The following UTP11 variants were observed in gnomAD, a reference collection of about 807,000 sequenced individuals.
UTP11 encodes the protein UTP11 small subunit processome component, also known as probable U3 small nucleolar RNA-associated protein 11.
A neutral mutation model predicts 39.0 loss-of-function variants in UTP11; 29 were observed. That is an observed-to-expected ratio of 0.74 (90% CI 0.55 to 1.01). The LOEUF (loss-of-function observed/expected upper bound fraction) is 1.01. Among genes scored for constraint, UTP11 ranks in the 50% least tolerant of loss-of-function variants. The pLI is 0.00. For missense variants in UTP11, 281 were observed against 306.0 expected (o/e 0.92, Z 0.61); for synonymous variants, 111 against 105.0 (o/e 1.06, Z -0.35).
In UTP11 at chr1:38,018,560, A is replaced by ACCCC; in HGVS notation, c.325_326insCCCC (p.Arg109ThrfsTer7). The ACCCC allele has an allele frequency of 1.2e-6, 2 of 1,610,060 alleles. No homozygotes were observed. Among genetic ancestry groups the ACCCC allele is most frequent in the Non-Finnish European group, 8.5e-7 (1 of 1,177,002 alleles). Reference sequence around the variant, plus strand: ...GGACGTCAAATATATAGAAATGAAGAGGGTTGCAGAAGCTAAGGTAATTCA... The same window carrying ACCCC: ...GGACGTCAAATATATAGAAATGAAGACCCCGGGTTGCAGAAGCTAAGGTAATTCA... On this transcript the variant is annotated frameshift_variant, in exon 4 of 8. Coordinates refer to ENST00000373014, the MANE Select transcript of UTP11 (RefSeq NM_016037.4). LOFTEE classifies it high-confidence loss of function.
intron 3 of UTP11, 83 bp downstream of exon 3, chr1:38,017,853 G>C (rs1022575080): frequency 7.9e-7 from 1 of 1,262,374 alleles, no homozygotes. Context: ...AGGAAGAATC[G>C]TTGGCCTTAA....
In UTP11 at chr1:38,018,549, T is replaced by C. The variant is rs762458787; in HGVS notation, c.314T>C (p.Ile105Thr). The change falls in exon 4 of 8, where the codon ATA becomes ACA. Residue 105 changes from isoleucine to threonine, a missense_variant. Physicochemically the swap from Ile to Thr is moderately conservative, Grantham distance 89. Coordinates refer to ENST00000373014, the MANE Select transcript of UTP11 (RefSeq NM_016037.4). ...KLMRTQDVKY[I>T]EMKRVAEAKK... is the part of the protein sequence containing the mutation. The stretch of plus-strand genomic sequence containing the variant: ...ATGAGAACTCAGGACGTCAAATATA[T>C]AGAAATGAAGAGGGTTGCAGAAGCT... 1 of 1,613,676 alleles carries C rather than the reference T, an allele frequency of 6.2e-7. No individual in the cohort carries two copies. The highest frequency in any genetic ancestry group is 8.5e-7 in the Non-Finnish European group (1 of 1,179,780).
At chr1:38,014,415 A>T (rs777122034) in intron 1 of UTP11, among the ~76,000 whole-genome samples, 1 of 152,162 alleles carries the variant, frequency 6.6e-6, no homozygotes, top group Non-Finnish European at 1.5e-5. Flanking sequence ...GCTACTGAAG[A>T]TATTTTGTAT....
At position 38,023,624 on chromosome 1, in the gene UTP11, G is replaced by T. The variant is rs571412815; in HGVS notation, c.758G>T (p.Arg253Leu). 2 of 1,608,972 alleles carry T rather than the reference G, an allele frequency of 1.2e-6. No homozygotes were observed. The highest frequency in any genetic ancestry group is 2.7e-5 in the African/African-American group (2 of 74,854). The change falls in exon 8 of 8, where the codon CGT (arginine) becomes CTT (leucine). Residue 253 changes from arginine to leucine, a missense_variant. By Grantham distance (102) the Arg-to-Leu change is moderately radical. Transcript: ENST00000373014. ...TATAAATTTCAGAGTCGTCGAAAAC[G>T]TTGACGTGTTATAGATAAGCCTTGT... ...AIYKFQSRRK[R>L]
chr1:38,017,087 T>C (rs1475772134), intron 2 of UTP11: 1 of 152,578 alleles, frequency 6.6e-6, no homozygotes, highest in Non-Finnish European at 1.5e-5. Flanking sequence ...TTCTAGGATA[T>C]TTACCGTTTT....
intron 4 of UTP11, 73 bp from the exon 5 acceptor site, chr1:38,018,986 T>G: frequency 7.7e-7 from 1 of 1,299,182 alleles, no homozygotes; most frequent in South Asian, 1.4e-5. Context: ...TGGTTTAAAC[T>G]TTTGCAGTTT....
chr1:38,013,642 G>C (rs1570497414), intron 1 of UTP11, among the ~76,000 whole-genome samples: 1 of 152,204 alleles, frequency 6.6e-6, no homozygotes, highest in East Asian at 1.9e-4. Context: ...AGGGGAAAGA[G>C]TTGTGCAGCT....
chr1:38,023,065 T>C (rs1229777838), intron 7 of UTP11, among the ~76,000 whole-genome samples: 2 of 152,200 alleles, frequency 1.3e-5, no homozygotes, highest in African/African-American at 2.4e-5. Flanking sequence ...ATATGAACTT[T>C]ATAGCTTATG....
rs1646714254 is a variant in UTP11, at chr1:38,017,716, T to C, written c.174T>C (p.Ala58=). ...QEYLKALRKK[A]LEKNPDEFYY... ...ACCTCAAAGCTCTTCGGAAGAAGGC[T>C]CTTGAAAAAAATCCAGATGAATTCT... Residue 58 remains alanine, a synonymous_variant, in exon 3 of 8, where the codon GCT becomes GCC. Transcript: ENST00000373014. 6.2e-7 allele frequency: 1 copy of C among 1,610,978 alleles called. No homozygotes were observed. Among genetic ancestry groups the C allele is most frequent in the Non-Finnish European group, 8.5e-7 (1 of 1,178,766 alleles).
rs1646707385 is a variant in UTP11, at chr1:38,016,410, C to A, written c.115C>A (p.Leu39Ile). 2 of 1,614,174 alleles carry A rather than the reference C, an allele frequency of 1.2e-6. No individual in the cohort carries two copies. Among genetic ancestry groups the A allele is most frequent in the South Asian group, 2.2e-5 (2 of 91,090 alleles). Reference protein sequence around the residue: ...GLLEKKKDYKLRADDYRKKQE... With the variant: ...GLLEKKKDYKIRADDYRKKQE... ...GCTGGAGAAAAAGAAAGATTACAAA[C>A]TTCGTGCAGAGTGAGTTCAGTCTTT... The change falls in exon 2 of 8, where the codon CTT (leucine) becomes ATT (isoleucine). Residue 39 changes from leucine (L) to isoleucine (I), a missense_variant. Coordinates refer to ENST00000373014, the MANE Select transcript of UTP11 (RefSeq NM_016037.4).
chr1:38,020,397 C>G (rs567539823), intron 6 of UTP11, among the ~76,000 whole-genome samples: 2 of 152,318 alleles, frequency 1.3e-5, no homozygotes, highest in African/African-American at 4.8e-5. Context: ...AGCCACCATG[C>G]CTGCCCAAAA....
intron 1 of UTP11, 130 bp downstream of exon 1, chr1:38,012,995 G>A (rs889801962): frequency 2.6e-6 from 3 of 1,143,280 alleles, no homozygotes; most frequent in African/African-American, 3.1e-5. Context: ...GTATGTTAAT[G>A]ACGCTGGCGT....
intron 3 of UTP11, 78 bp downstream of exon 3, chr1:38,017,848 G>T (rs995113324): frequency 7.7e-7 from 1 of 1,298,878 alleles, no homozygotes; most frequent in African/African-American, 1.5e-5. Flanking sequence ...TGGAGAGGAA[G>T]AATCGTTGGC....
In UTP11 at chr1:38,019,969, G is replaced by T. The variant is rs114389690; in HGVS notation, c.567+586G>T. 3.3e-3 allele frequency among the ~76,000 whole-genome samples: 497 copies of T among 152,212 alleles called. 4 individuals carry two copies. The highest frequency in any genetic ancestry group is 0.012 in the African/African-American group (481 of 41,538). On this transcript the variant is annotated intron_variant, in intron 6 of 7. Coordinates refer to ENST00000373014, the MANE Select transcript of UTP11 (RefSeq NM_016037.4). ...GTTTGAATCCCAATTCTGACCCTGC[G>T]CTTTGTGCTTTTAATACTTGTAACA...
At chr1:38,015,606 CAT>C (rs1236116110) in intron 1 of UTP11, among the ~76,000 whole-genome samples, 1 of 152,176 alleles carries the variant, frequency 6.6e-6, no homozygotes, top group Non-Finnish European at 1.5e-5. Context: ...AAGACCCTGA[CAT>C]ATACTAAGTG....
At position 38,012,905 on chromosome 1, in the gene UTP11, C is replaced by T. The variant is rs374729404; in HGVS notation, c.63+40C>T. 48 of 1,613,270 alleles carry T rather than the reference C, an allele frequency of 3.0e-5. No homozygotes were observed. The South Asian group carries it at 5.1e-4, about 17-fold the overall frequency. ...GCCCCACAAGTGCTGGCCTTTGTCG[C>T]CATGTGTTACCCTTGCCCCAACCCT... On this transcript the variant is annotated intron_variant, in intron 1 of 7. Coordinates refer to ENST00000373014, the MANE Select transcript of UTP11 (RefSeq NM_016037.4).
At position 38,023,598 on chromosome 1, in the gene UTP11, TTATA is replaced by T; in HGVS notation, c.733_736del (p.Tyr245AsnfsTer12). ...AAGAAACGGTGAACTCCCCAGCTAT[TTATA>T]AATTTCAGAGTCGTCGAAAACGTTG... On this transcript the variant is annotated frameshift_variant, in exon 8 of 8. Coordinates refer to ENST00000373014, the MANE Select transcript of UTP11 (RefSeq NM_016037.4). LOFTEE classifies it high-confidence loss of function. 1 of 1,611,234 alleles carries T rather than the reference TTATA, an allele frequency of 6.2e-7. No individual in the cohort carries two copies. The highest frequency in any genetic ancestry group is 8.5e-7 in the Non-Finnish European group (1 of 1,178,852).
intron 6 of UTP11, among the ~76,000 whole-genome samples, chr1:38,020,247 G>A (rs761621724): frequency 2.0e-5 from 3 of 152,052 alleles, no homozygotes; most frequent in Non-Finnish European, 4.4e-5. Context: ...GACCACAGGT[G>A]TGTGCCACCA....
chr1:38,020,359 C>T (rs930075026), intron 6 of UTP11, among the ~76,000 whole-genome samples: 1 of 152,168 alleles, frequency 6.6e-6, no homozygotes, highest in African/African-American at 2.4e-5. Flanking sequence ...CCGCCTTGGC[C>T]TCCTGAAGTG....
Sources: allele counts gnomAD v4.1 joint callset (sites outside exome capture counted in the v4.1 genomes callset), GRCh38; gene constraint gnomAD v4.1.1; transcripts MANE v1.5; gene names NCBI Gene and HGNC (gene_info 2026-07-23, HGNC 2026-07-21).